The following ERO1B variants were observed in gnomAD, a reference collection of about 807,000 sequenced individuals.
The protein encoded by ERO1B is ERO1-like protein beta.
In ERO1B, 49 loss-of-function variants were observed where a neutral mutation model predicts 75.3. The observed-to-expected ratio is 0.65, with a 90% CI of 0.52 to 0.83. The LOEUF (loss-of-function observed/expected upper bound fraction) is 0.83. Ranked by LOEUF, ERO1B falls within the 40% of genes least tolerant of loss-of-function variation. The probability of loss-of-function intolerance (pLI) is 0.00; values close to 1 mark genes in which losing one functional copy is unlikely to be tolerated. For synonymous variants in ERO1B, 191 were observed against 192.9 expected (o/e 0.99, Z 0.08); for missense variants, 512 against 560.1 (o/e 0.91, Z 0.87).
In ERO1B at chr1:236,216,583, A is replaced by G. The variant is rs1208619838; in HGVS notation, c.*1933T>C. 6.6e-6 allele frequency: 1 copy of G among 152,110 alleles called. No homozygotes were observed. Among genetic ancestry groups the G allele is most frequent in the African/African-American group, 2.4e-5 (1 of 41,438 alleles). The allele number at this position is 152,110 out of a possible 1,614,324, so 9.4% of individuals were successfully genotyped here. A position where few individuals can be genotyped will look rare whatever the true frequency, so the allele number is the denominator to read the frequency against. On this transcript the variant is annotated 3_prime_UTR_variant, in exon 16 of 16. Transcript: ENST00000354619. ...TTAATTTCCTAGAACATACTCTAATATACTAGTTTTCCTAAGCTTGAAACA... is the reference window on the plus strand; with the variant it reads ...TTAATTTCCTAGAACATACTCTAATGTACTAGTTTTCCTAAGCTTGAAACA...
chr1:236,230,134 G>C (rs984689157), intron 10 of ERO1B, 90 bp downstream of exon 10: 50 of 959,914 alleles, frequency 5.2e-5, no homozygotes, highest in Admixed American at 2.4e-4. Flanking sequence ...TAGTTGACTA[G>C]GTAATAAAAT....
intron 1 of ERO1B, among the ~76,000 whole-genome samples, chr1:236,273,151 G>C (rs918261884): frequency 5.3e-5 from 8 of 152,178 alleles, no homozygotes; most frequent in African/African-American, 7.2e-5. Flanking sequence ...CTTTATGAGA[G>C]AGGAAGGCGG....
chr1:236,243,465 CCAGT>C lies in ERO1B; in HGVS notation c.458_461del (p.Asp153GlyfsTer25), dbSNP rs768388054. 9.3e-6 allele frequency: 15 copies of C among 1,604,296 alleles called. No homozygotes were observed. Among genetic ancestry groups the C allele is most frequent in the Non-Finnish European group, 1.2e-5 (14 of 1,175,006 alleles). ...GATCCCGTGAATCATCATATCTTGC[CCAGT>C]CAATGAAAGCTTCTTTGCTTTGATT... On this transcript the variant is annotated frameshift_variant, in exon 6 of 16. Coordinates refer to ENST00000354619, the MANE Select transcript of ERO1B (RefSeq NM_019891.4). LOFTEE classifies it high-confidence loss of function.
intron 2 of ERO1B, among the ~76,000 whole-genome samples, chr1:236,269,064 G>A (rs1665530665): frequency 6.6e-6 from 1 of 151,926 alleles, no homozygotes. Context: ...GCAAAACCCA[G>A]TCTGTACTAA....
chr1:236,221,264 T>C (rs533516056), intron 14 of ERO1B, among the ~76,000 whole-genome samples: 28 of 152,286 alleles, frequency 1.8e-4, no homozygotes, highest in African/African-American at 5.8e-4. Context: ...AATGTTCAAT[T>C]TGTAACCATA....
intron 2 of ERO1B, among the ~76,000 whole-genome samples, chr1:236,262,245 G>A (rs1280959267): frequency 1.3e-5 from 2 of 152,178 alleles, no homozygotes; most frequent in African/African-American, 4.8e-5. Context: ...ACAGGGAAAG[G>A]ACAGTCTCTT....
chr1:236,251,047 A>G (rs1472006458), intron 4 of ERO1B, among the ~76,000 whole-genome samples: 1 of 152,194 alleles, frequency 6.6e-6, no homozygotes, highest in Non-Finnish European at 1.5e-5. Flanking sequence ...GGAATGGCTA[A>G]TATGTGTTAT....
intron 10 of ERO1B, among the ~76,000 whole-genome samples, chr1:236,228,822 G>C (rs993608627): frequency 1.4e-4 from 21 of 152,144 alleles, no homozygotes; most frequent in African/African-American, 5.1e-4. Flanking sequence ...GCCTATAAGG[G>C]AATGCTCTTT....
chr1:236,238,015 A>G (rs1664585690), intron 6 of ERO1B, among the ~76,000 whole-genome samples: 1 of 152,098 alleles, frequency 6.6e-6, no homozygotes, highest in African/African-American at 2.4e-5. Context: ...GGTTTTTTGT[A>G]TTTTTAGTAG....
At chr1:236,232,553 T>G (rs2812482) in intron 9 of ERO1B, among the ~76,000 whole-genome samples, 4 of 151,950 alleles carry the variant, frequency 2.6e-5, no homozygotes, top group Admixed American at 6.6e-5. Context: ...TCAGGACATA[T>G]TCAAGTAAAT....
At chr1:236,219,739 G>A (rs1010387634) in intron 15 of ERO1B, among the ~76,000 whole-genome samples, 2 of 152,056 alleles carry the variant, frequency 1.3e-5, no homozygotes, top group Non-Finnish European at 2.9e-5. Flanking sequence ...GATGGGAAAT[G>A]GCCAGGTACA....
chr1:236,239,496 G>A (rs1047399480), intron 6 of ERO1B, among the ~76,000 whole-genome samples: 3 of 152,042 alleles, frequency 2.0e-5, no homozygotes, highest in Non-Finnish European at 4.4e-5. Flanking sequence ...AGTGAGCAAC[G>A]TGTGTGGCAG....
intron 5 of ERO1B, among the ~76,000 whole-genome samples, chr1:236,246,858 T>C (rs1664898025): frequency 6.6e-6 from 1 of 152,188 alleles, no homozygotes; most frequent in African/African-American, 2.4e-5. Flanking sequence ...AATTTTCTAT[T>C]CCACCATATG....
In ERO1B at chr1:236,226,387, G is replaced by A. The variant is rs759095732; in HGVS notation, c.934C>T (p.Arg312Ter). Residue 312 changes from arginine (R) to a stop codon, truncating the protein, a stop_gained, in exon 12 of 16, where the codon CGA (arginine) becomes TGA (stop). Coordinates refer to ENST00000354619, the MANE Select transcript of ERO1B (RefSeq NM_019891.4). LOFTEE classifies it high-confidence loss of function. ...TATGGAGCCACCTTTGACAAAGCTC[G>A]AAGCTCAATCAAGTATAAAAAGTAA... is the stretch of plus-strand genomic sequence containing the variant. The part of the protein sequence containing the change: ...NLYFLYLIEL[R>*]ALSKVAPYFE... 4 of 1,613,942 alleles carry A rather than the reference G, an allele frequency of 2.5e-6. No individual in the cohort carries two copies. Among genetic ancestry groups the A allele is most frequent in the Admixed American group, 1.7e-5 (1 of 59,992 alleles).
rs1286751413 is a variant in ERO1B, at chr1:236,215,434, A to G, written c.*3082T>C. The G allele has an allele frequency of 6.6e-6, 1 of 152,206 alleles. No individual in the cohort carries two copies. The highest frequency in any genetic ancestry group is 1.9e-4 in the East Asian group (1 of 5,202). 9.4% of individuals were successfully genotyped at this position (152,206 alleles called of 1,614,324 possible). A position where few individuals can be genotyped will look rare whatever the true frequency, so the allele number is the denominator to read the frequency against. On this transcript the variant is annotated 3_prime_UTR_variant, in exon 16 of 16. Coordinates refer to ENST00000354619, the MANE Select transcript of ERO1B (RefSeq NM_019891.4). ...ATGCCAGCCAATGCTTGCCATTATG[A>G]TAAGAAACAACCTCAGACTACTTAT...
chr1:236,254,635 C>G (rs1401570873), intron 2 of ERO1B, among the ~76,000 whole-genome samples: 1 of 152,028 alleles, frequency 6.6e-6, no homozygotes, highest in Non-Finnish European at 1.5e-5. Context: ...TTTTTTGAGA[C>G]AGAGTCTCAC....
chr1:236,277,443 A>C (rs1447287239), intron 1 of ERO1B, among the ~76,000 whole-genome samples: 1 of 152,034 alleles, frequency 6.6e-6, no homozygotes, highest in Admixed American at 6.6e-5. Context: ...ATACATGATG[A>C]CAGTAAAATT....
At chr1:236,274,753 AAGAC>A (rs200671588) in intron 1 of ERO1B, among the ~76,000 whole-genome samples, 40,071 of 151,586 alleles carry the variant, frequency 0.26, 6,508 homozygotes, top group Middle Eastern at 0.37. Context: ...AGAAAAAAAA[AAGAC>A]AGACAAAAAT....
At position 236,216,559 on chromosome 1, in the gene ERO1B, T is replaced by C. The variant is rs913413853; in HGVS notation, c.*1957A>G. On this transcript the variant is annotated 3_prime_UTR_variant, in exon 16 of 16. Coordinates refer to ENST00000354619, the MANE Select transcript of ERO1B (RefSeq NM_019891.4). ...AACTTTTTACTCTAACCAGATCTTT[T>C]AATTTCCTAGAACATACTCTAATAT... is the stretch of plus-strand genomic sequence containing the variant. The C allele has an allele frequency of 1.3e-5, 2 of 152,120 alleles. No individual in the cohort carries two copies. Among genetic ancestry groups the C allele is most frequent in the African/African-American group, 4.8e-5 (2 of 41,438 alleles). 9.4% of individuals were successfully genotyped at this position (152,120 alleles called of 1,614,324 possible).
Sources: gnomAD v4.1 joint callset for allele counts (sites outside exome capture counted in the v4.1 genomes callset) on GRCh38, gnomAD v4.1.1 for gene constraint, MANE v1.5 for transcripts, NCBI Gene and HGNC (gene_info 2026-07-23, HGNC 2026-07-21) for gene names.